The following IMPG1 variants were observed in gnomAD, a reference collection of about 807,000 sequenced individuals.
IMPG1 encodes the protein interphotoreceptor matrix proteoglycan of 150 kDa.
IMPG1 carries 85 observed loss-of-function variants against 92.0 expected under a neutral mutation model. The ratio of observed to expected loss-of-function variants is 0.92; its 90% CI spans 0.78 to 1.11. IMPG1 has a LOEUF of 1.11. IMPG1 is among the 50% of genes least tolerant of loss of function. The pLI is 0.00. For missense variants in IMPG1, 1,022 were observed against 956.0 expected (o/e 1.07, Z -0.91); for synonymous variants, 367 against 334.1 (o/e 1.10, Z -1.08).
At chr6:76,072,070 G>A (rs565401536) in intron 1 of IMPG1, among the ~76,000 whole-genome samples, 1 of 151,914 alleles carries the variant, frequency 6.6e-6, no homozygotes, top group Non-Finnish European at 1.5e-5. Flanking sequence ...TTTATCTTTA[G>A]GTTTTATTTG....
At chr6:75,928,242 C>T (rs529453144) in intron 15 of IMPG1, among the ~76,000 whole-genome samples, 2 of 152,048 alleles carry the variant, frequency 1.3e-5, no homozygotes, top group East Asian at 1.9e-4. Context: ...CTCTGTCGCC[C>T]AGGCTGGAGT....
chr6:75,999,020 C>T (rs958963598), intron 12 of IMPG1, among the ~76,000 whole-genome samples: 2 of 152,122 alleles, frequency 1.3e-5, no homozygotes, highest in South Asian at 2.1e-4. Flanking sequence ...CTACTCCTGA[C>T]TTATTTTTGT....
intron 14 of IMPG1, among the ~76,000 whole-genome samples, chr6:75,933,350 C>T (rs574843158): frequency 6.6e-6 from 1 of 152,098 alleles, no homozygotes; most frequent in Admixed American, 6.5e-5. Flanking sequence ...CCCTTCAAAC[C>T]ATTTATTTTT....
At chr6:75,980,937 C>T (rs1490540190) in intron 12 of IMPG1, among the ~76,000 whole-genome samples, 1 of 152,150 alleles carries the variant, frequency 6.6e-6, no homozygotes, top group East Asian at 1.9e-4. Flanking sequence ...GTCAGTAAGA[C>T]TGAAGGTAAG....
At chr6:75,994,446 A>T (rs1004149298) in intron 12 of IMPG1, among the ~76,000 whole-genome samples, 8 of 152,140 alleles carry the variant, frequency 5.3e-5, no homozygotes, top group Non-Finnish European at 7.4e-5. Context: ...CTCATAATGG[A>T]TACTGTATTA....
intron 14 of IMPG1, among the ~76,000 whole-genome samples, chr6:75,941,922 G>C (rs1781841603): frequency 6.6e-6 from 1 of 152,266 alleles, no homozygotes; most frequent in South Asian, 2.1e-4. Context: ...TTTGATAAGG[G>C]TTAGGGGAGG....
In IMPG1 at chr6:75,974,372, TTTC is replaced by T. The variant is rs1268520259; in HGVS notation, c.1292-23281_1292-23279del. Among the ~76,000 whole-genome samples the T allele has an allele frequency of 1.0e-2, 1,029 of 103,040 alleles. 21 individuals carry two copies. The highest frequency in any genetic ancestry group is 0.029 in the East Asian group (85 of 2,906). 67.6% of individuals were successfully genotyped at this position (103,040 alleles called of 152,430 possible). On this transcript the variant is annotated intron_variant, in intron 12 of 16. Coordinates refer to ENST00000369950, the MANE Select transcript of IMPG1 (RefSeq NM_001563.4). ...CTTTCTTTCTTTCTTTCTTTCTTTC[TTTC>T]TTTCTTTCTTTCTTTCTTTTCTTTC...
intron 7 of IMPG1, 121 bp from the exon 8 acceptor site, chr6:76,011,345 T>C (rs1452580350): frequency 1.4e-5 from 7 of 484,590 alleles, no homozygotes; most frequent in East Asian, 6.6e-5. Context: ...AAAATGATTA[T>C]TTTTTCTTTT....
rs778539500 is a variant in IMPG1 at position 76,051,723 on chromosome 6, C to T, written c.68-9597G>A. Among the ~76,000 whole-genome samples, 158 of 152,054 alleles carry T rather than the reference C, an allele frequency of 1.0e-3. 3 individuals are homozygous for T. Among genetic ancestry groups the T allele is most frequent in the Non-Finnish European group, 3.4e-4 (23 of 68,008 alleles). On this transcript the variant is annotated intron_variant, in intron 1 of 16. Coordinates refer to ENST00000369950, the MANE Select transcript of IMPG1 (RefSeq NM_001563.4). The stretch of plus-strand genomic sequence containing the variant: ...TGGATGCCATCACTGTCTTTTTTAC[C>T]TCCCAAACTGGCATTTGTTCAGCAG...
chr6:76,023,383 A>C lies in IMPG1; in HGVS notation c.563-1164T>G, dbSNP rs1783467698. ...GCTACAATTTTTGTTACAATAAAAA[A>C]GTACTTAGCTGGTACCCTAGAAGAA... On this transcript the variant is annotated intron_variant, in intron 5 of 16. Transcript: ENST00000369950. Among the ~76,000 whole-genome samples, 3 of 152,250 alleles carry C rather than the reference A, an allele frequency of 2.0e-5. No individual in the cohort carries two copies. In the South Asian group the frequency reaches 6.2e-4, roughly 31 times the overall value.
intron 12 of IMPG1, among the ~76,000 whole-genome samples, chr6:75,986,460 G>T (rs1216708095): frequency 6.6e-6 from 1 of 152,136 alleles, no homozygotes; most frequent in East Asian, 1.9e-4. Context: ...TGGGCAAATT[G>T]GTTTTGAATT....
intron 6 of IMPG1, 145 bp from the exon 7 acceptor site, chr6:76,019,003 T>A: frequency 4.3e-6 from 3 of 702,592 alleles, no homozygotes; most frequent in Non-Finnish European, 6.4e-6. Flanking sequence ...TAACTAGAAC[T>A]TAGAGAAGAG....
intron 12 of IMPG1, among the ~76,000 whole-genome samples, chr6:75,955,499 G>T (rs1207026237): frequency 6.6e-6 from 1 of 152,134 alleles, no homozygotes; most frequent in Non-Finnish European, 1.5e-5. Context: ...GAGATTTTGG[G>T]CTGGGATGAT....
chr6:76,069,960 A>G (rs1312700753), intron 1 of IMPG1, among the ~76,000 whole-genome samples: 1 of 152,170 alleles, frequency 6.6e-6, no homozygotes. Context: ...GATGGCAACC[A>G]TAGACATTTG....
chr6:76,007,965 G>A (rs560342080), intron 8 of IMPG1, among the ~76,000 whole-genome samples: 94 of 152,284 alleles, frequency 6.2e-4, no homozygotes, highest in Non-Finnish European at 1.0e-3. Context: ...AGGCAAAACC[G>A]TGGAACTGGT....
chr6:76,072,515 G>C lies in IMPG1; in HGVS notation c.-27C>G. Reference sequence around the variant, plus strand: ...CTGGCTTTTGTGCATTGGTAATTCTGATAACAATCACAGAACAACCTCAAA... The same window carrying C: ...CTGGCTTTTGTGCATTGGTAATTCTCATAACAATCACAGAACAACCTCAAA... On this transcript the variant is annotated 5_prime_UTR_variant, in exon 1 of 17. It adds an upstream start codon to the 5' untranslated region. Transcript: ENST00000369950. 2.1e-6 allele frequency: 3 copies of C among 1,400,598 alleles called. No individual in the cohort carries two copies. Among genetic ancestry groups the C allele is most frequent in the Non-Finnish European group, 3.0e-6 (3 of 1,002,232 alleles). The allele number at this position is 1,400,598 out of a possible 1,614,324, so 86.8% of individuals were successfully genotyped here. A position where few individuals can be genotyped will look rare whatever the true frequency, so the allele number is the denominator to read the frequency against.
At chr6:76,039,264 A>T (rs1783794044) in intron 2 of IMPG1, among the ~76,000 whole-genome samples, 1 of 152,126 alleles carries the variant, frequency 6.6e-6, no homozygotes, top group South Asian at 2.1e-4. Context: ...GATGCTGTTG[A>T]TCTGCAGACA....
At chr6:76,029,266 G>A (rs1035137806) in intron 4 of IMPG1, among the ~76,000 whole-genome samples, 16 of 152,206 alleles carry the variant, frequency 1.1e-4, no homozygotes, top group African/African-American at 3.9e-4. Context: ...ACCCAGAGCT[G>A]GGATCAGCAT....
chr6:75,961,669 T>C (rs1782214072), intron 12 of IMPG1, among the ~76,000 whole-genome samples: 1 of 152,128 alleles, frequency 6.6e-6, no homozygotes, highest in African/African-American at 2.4e-5. Flanking sequence ...ATTGAGAATA[T>C]AATATTTGAG....
Sources: allele counts gnomAD v4.1 joint callset (sites outside exome capture counted in the v4.1 genomes callset), GRCh38; gene constraint gnomAD v4.1.1; transcripts MANE v1.5; gene names NCBI Gene and HGNC (gene_info 2026-07-23, HGNC 2026-07-21).